The following IL4I1 variants were observed in gnomAD, a reference collection of about 807,000 sequenced individuals.
IL4I1 encodes interleukin 4 induced 1, also known as L-amino-acid oxidase.
IL4I1 carries 24 observed loss-of-function variants against 29.7 expected under a neutral mutation model. The observed-to-expected ratio is 0.81, with a 90% CI of 0.59 to 1.14. The LOEUF (loss-of-function observed/expected upper bound fraction) is 1.14. Ranked by LOEUF, IL4I1 falls within the 50% of genes most tolerant of loss-of-function variation. The pLI is 0.00. For synonymous variants in IL4I1, 371 were observed against 352.5 expected, an observed-to-expected ratio of 1.05 and a Z score of -0.59; for missense variants, 686 against 785.6, an observed-to-expected ratio of 0.87 and a Z score of 1.52.
At chr19:49,914,725 A>AGTTTT (rs1409277534) in intron 2 of IL4I1, among the ~76,000 whole-genome samples, 8 of 30,910 alleles carry the variant, frequency 2.6e-4, no homozygotes, top group African/African-American at 6.3e-4. Flanking sequence ...TCCAAGTCCC[A>AGTTTT]GTTTTTTTTT....
At position 49,896,008 on chromosome 19, in the gene IL4I1, G is replaced by A. The variant is rs781056993; in HGVS notation, c.59C>T (p.Ala20Val). 1.2e-6 allele frequency: 2 copies of A among 1,614,182 alleles called. No homozygotes were observed. The highest frequency in any genetic ancestry group is 1.1e-5 in the South Asian group (1 of 91,082). ...VLVPILLSLV[A>V]SQDWKAERSQ... ...GCGTTCAGCCTTCCAGTCCTGGGAG[G>A]CCACCAGGCTGAGGAGGATGGGGAC... Residue 20 changes from alanine (A) to valine (V), a missense_variant, in exon 3 of 8, where the codon GCC becomes GTC. Ala to Val is a moderately conservative substitution (Grantham distance 64). Transcript: ENST00000391826.
At chr19:49,899,515 G>C (rs938099136), upstream of IL4I1, among the ~76,000 whole-genome samples, 1 of 151,516 alleles carries the variant, frequency 6.6e-6, no homozygotes, top group Non-Finnish European at 1.5e-5. Context: ...CTCCCTAGTA[G>C]CTGGGACTAC....
At chr19:49,913,219 T>C (rs2075524086) in intron 2 of IL4I1, 1 of 152,350 alleles carries the variant, frequency 6.6e-6, no homozygotes, top group African/African-American at 2.4e-5. Context: ...AGTGATCTGG[T>C]GCTTCTGAAG....
chr19:49,925,210 G>A (rs1040275747), intron 2 of IL4I1, among the ~76,000 whole-genome samples: 3 of 151,998 alleles, frequency 2.0e-5, no homozygotes, highest in South Asian at 2.1e-4. Context: ...GCGGTGAGCC[G>A]AGATGGCACC....
intron 2 of IL4I1, among the ~76,000 whole-genome samples, chr19:49,905,628 C>G (rs2075312097): frequency 6.6e-6 from 1 of 152,114 alleles, no homozygotes; most frequent in Non-Finnish European, 1.5e-5. Context: ...CGAAGTTTCG[C>G]TTTTGTTGCC....
Position 49,890,242 on chromosome 19 carries a change from G to T in IL4I1, c.1132C>A (p.Arg378Ser). 1 of 1,564,726 alleles carries T rather than the reference G, an allele frequency of 6.4e-7. No homozygotes were observed. The highest frequency in any genetic ancestry group is 1.2e-5 in the South Asian group (1 of 85,916). Residue 378 changes from arginine to serine, a missense_variant, in exon 8 of 8, where the codon CGC (arginine) becomes AGC (serine). Coordinates refer to ENST00000391826, the MANE Select transcript of IL4I1 (RefSeq NM_152899.2). The part of the protein sequence containing the change: ...HIEGGHSNTD[R>S]PSRMIFYPPP... ...GGGTAGAAAATCATGCGCGACGGGC[G>T]ATCGGTGTTTGAGTGGCCGCCTTCA...
rs777626757 is a variant in IL4I1, at chr19:49,896,809, C to T, written c.-23+26G>A. On this transcript the variant is annotated intron_variant, in intron 1 of 7. Coordinates refer to ENST00000391826, the MANE Select transcript of IL4I1 (RefSeq NM_152899.2). ...ATTTCTGTGGGTCCTGTCTCTCTGT[C>T]CCCCCACCACTGGCCGTGTCACTAC... 144 of 984,734 alleles carry T rather than the reference C, an allele frequency of 1.5e-4. No homozygotes were observed. The Middle Eastern group carries it at 2.6e-3, about 18-fold the overall frequency. 61.0% of individuals were successfully genotyped at this position (984,734 alleles called of 1,614,324 possible). A position where few individuals can be genotyped will look rare whatever the true frequency, so the allele number is the denominator to read the frequency against.
upstream of IL4I1, among the ~76,000 whole-genome samples, chr19:49,899,834 C>T (rs1303578050): frequency 1.3e-5 from 2 of 152,132 alleles, no homozygotes; most frequent in East Asian, 1.9e-4. Context: ...GGATTACAGG[C>T]GTGAGCCACC....
chr19:49,918,895 T>TGGGGGGGGGGGGG (rs56129490), intron 2 of IL4I1, among the ~76,000 whole-genome samples: 95 of 72,328 alleles, frequency 1.3e-3, no homozygotes, highest in Admixed American at 1.7e-3. Context: ...TTTGGGAGGC[T>TGGGGGGGGGGGGG]GGGGGGGGGG....
intron 4 of IL4I1, 43 bp from the exon 5 acceptor site, chr19:49,894,512 G>A (rs200264435): frequency 1.3e-6 from 2 of 1,570,742 alleles, no homozygotes; most frequent in East Asian, 2.2e-5. Flanking sequence ...CTCCAGTGGG[G>A]GTGGCCTGGT....
At chr19:49,898,397 G>A (rs985925957), upstream of IL4I1, among the ~76,000 whole-genome samples, 2 of 152,234 alleles carry the variant, frequency 1.3e-5, no homozygotes, top group Non-Finnish European at 2.9e-5. Flanking sequence ...CTAGCACTTT[G>A]GGAGGCCGAG....
In IL4I1 at chr19:49,895,943, A is replaced by T; in HGVS notation, c.124T>A (p.Tyr42Asn). The change falls in exon 3 of 8, where the codon TAT becomes AAT. Residue 42 changes from tyrosine (Y) to asparagine (N), a missense_variant. Transcript: ENST00000391826. Reference sequence around the variant, plus strand: ...GTCACCACCTTGAGCAGCTGCTCATAGTCAGGATCCTGCATGCATTTCTCG... The same window carrying T: ...GTCACCACCTTGAGCAGCTGCTCATTGTCAGGATCCTGCATGCATTTCTCG... ...PFEKCMQDPD[Y>N]EQLLKVVTWG... 1 of 1,614,180 alleles carries T rather than the reference A, an allele frequency of 6.2e-7. No homozygotes were observed. The highest frequency in any genetic ancestry group is 8.5e-7 in the Non-Finnish European group (1 of 1,180,034).
At chr19:49,893,965 G>A (rs1287120590) in intron 5 of IL4I1, among the ~76,000 whole-genome samples, 3 of 121,566 alleles carry the variant, frequency 2.5e-5, no homozygotes, top group South Asian at 2.7e-4. Context: ...CAGCCTGGGT[G>A]ACAGAGTAAG....
Position 49,890,078 on chromosome 19 carries a change from G to C in IL4I1, c.1296C>G (p.Arg432=). The change falls in exon 8 of 8, where the codon CGC becomes CGG. Residue 432 remains arginine, a synonymous_variant. Coordinates refer to ENST00000391826, the MANE Select transcript of IL4I1 (RefSeq NM_152899.2). ...CGACGCCGGTGCCGTCCCAGAGCTG[G>C]CGCACGACAGGCCCGTGCAATGCCG... ...DVAALHGPVV[R]QLWDGTGVVK... 6.5e-7 allele frequency: 1 copy of C among 1,548,142 alleles called. No homozygotes were observed. The highest frequency in any genetic ancestry group is 8.7e-7 in the Non-Finnish European group (1 of 1,146,880).
intron 2 of IL4I1, chr19:49,909,067 GC>G: frequency 6.2e-7 from 1 of 1,612,638 alleles, no homozygotes. Flanking sequence ...CAGTGGGGGC[GC>G]CCGCTGTGGT....
chr19:49,916,548 C>A (rs927320609), intron 2 of IL4I1, among the ~76,000 whole-genome samples: 2 of 151,688 alleles, frequency 1.3e-5, no homozygotes, highest in Non-Finnish European at 2.9e-5. Flanking sequence ...CCGAGGCGGG[C>A]GGATCACTAG....
intron 3 of IL4I1, among the ~76,000 whole-genome samples, chr19:49,903,671 A>G: frequency 6.6e-6 from 1 of 152,176 alleles, no homozygotes; most frequent in Non-Finnish European, 1.5e-5. Flanking sequence ...GAGTCATACC[A>G]GGTCATAAGA....
At chr19:49,897,161 G>A (rs542454589), upstream of IL4I1, among the ~76,000 whole-genome samples, 20 of 152,238 alleles carry the variant, frequency 1.3e-4, no homozygotes, top group African/African-American at 3.6e-4. Flanking sequence ...GTTTGCCCCC[G>A]TCCCTGATCA....
At chr19:49,903,996 G>A (rs558686655) in intron 3 of IL4I1, among the ~76,000 whole-genome samples, 1 of 149,760 alleles carries the variant, frequency 6.7e-6, no homozygotes, top group Non-Finnish European at 1.5e-5. Flanking sequence ...GAGCCACTAC[G>A]CCAGGCTAAT....
Sources: allele counts gnomAD v4.1 joint callset (sites outside exome capture counted in the v4.1 genomes callset), GRCh38; gene constraint gnomAD v4.1.1; transcripts MANE v1.5; gene names NCBI Gene and HGNC (gene_info 2026-07-23, HGNC 2026-07-21).